Variants in APP observed in about 807,000 individuals in gnomAD.
APP encodes amyloid beta precursor protein.
In APP, 31 loss-of-function variants were observed where a neutral mutation model predicts 101.4. The ratio of observed to expected loss-of-function variants is 0.31; its 90% CI spans 0.23 to 0.41. The LOEUF (loss-of-function observed/expected upper bound fraction) is 0.41. Among genes scored for constraint, APP ranks in the 10% least tolerant of loss-of-function variants. APP has a pLI of 1.00. For missense variants in APP, 839 were observed against 1,003.7 expected (o/e 0.84, Z 2.22); for synonymous variants, 366 against 364.4 (o/e 1.00, Z -0.05).
At chr21:26,104,560 CTG>C (rs1006203834) in intron 2 of APP, among the ~76,000 whole-genome samples, 3 of 152,190 alleles carry the variant, frequency 2.0e-5, no homozygotes, top group African/African-American at 7.2e-5. Flanking sequence ...AAATAAAAGA[CTG>C]TGTTTTTACT....
At chr21:26,056,064 T>C (rs551583079) in intron 3 of APP, among the ~76,000 whole-genome samples, 1 of 152,320 alleles carries the variant, frequency 6.6e-6, no homozygotes, top group South Asian at 2.1e-4. Flanking sequence ...TCAGACAAGG[T>C]CTCACTCTGT....
intron 1 of APP, among the ~76,000 whole-genome samples, chr21:26,116,234 A>T (rs1330033429): frequency 6.6e-6 from 1 of 152,244 alleles, no homozygotes; most frequent in African/African-American, 2.4e-5. Context: ...TATCAAACTT[A>T]AAAATGCTAC....
chr21:25,935,939 G>C (rs2040346415), intron 13 of APP, among the ~76,000 whole-genome samples: 2 of 151,640 alleles, frequency 1.3e-5, no homozygotes, highest in African/African-American at 4.9e-5. Context: ...TCAAGGCCGA[G>C]TTTAGGCTGC....
intron 8 of APP, among the ~76,000 whole-genome samples, chr21:25,988,196 C>T (rs1337079580): frequency 6.6e-6 from 1 of 152,024 alleles, no homozygotes; most frequent in Non-Finnish European, 1.5e-5. Context: ...GCAAATTCCA[C>T]GAGACCCGCA....
At chr21:26,047,051 A>C (rs978178215) in intron 5 of APP, among the ~76,000 whole-genome samples, 1 of 152,206 alleles carries the variant, frequency 6.6e-6, no homozygotes, top group African/African-American at 2.4e-5. Flanking sequence ...GAATATGACC[A>C]TTACAACACT....
rs376555983 is a variant in APP, at chr21:25,881,664, G to A, written c.*6C>T. On this transcript the variant is annotated 3_prime_UTR_variant, in exon 18 of 18. Coordinates refer to ENST00000346798, the MANE Select transcript of APP (RefSeq NM_000484.4). The stretch of plus-strand genomic sequence containing the variant: ...GTCCAACTTCAGAGGCTGCTGTGGC[G>A]GGGGTCTAGTTCTGCATCTGCTCAA... The A allele has an allele frequency of 1.5e-5, 24 of 1,613,146 alleles. No homozygotes were observed. Among genetic ancestry groups the A allele is most frequent in the South Asian group, 5.5e-5 (5 of 91,044 alleles).
At chr21:25,943,089 G>A (rs189221451) in intron 13 of APP, 1 of 152,290 alleles carries the variant, frequency 6.6e-6, no homozygotes, top group East Asian at 1.9e-4. Flanking sequence ...TCCTTGTGCA[G>A]GGGCCAGGTT....
At chr21:26,122,268 G>C (rs1267453479) in intron 1 of APP, among the ~76,000 whole-genome samples, 1 of 152,168 alleles carries the variant, frequency 6.6e-6, no homozygotes, top group Non-Finnish European at 1.5e-5. Flanking sequence ...TAGTGAGGGA[G>C]TCAGTATACA....
chr21:25,965,010 C>G (rs1199512729), intron 11 of APP, among the ~76,000 whole-genome samples: 1 of 152,176 alleles, frequency 6.6e-6, no homozygotes, highest in Non-Finnish European at 1.5e-5. Flanking sequence ...TTAGTGAAGG[C>G]AGCATATAGA....
intron 1 of APP, among the ~76,000 whole-genome samples, chr21:26,136,923 C>T (rs1389644653): frequency 6.6e-6 from 1 of 152,144 alleles, no homozygotes; most frequent in Admixed American, 6.5e-5. Flanking sequence ...TTGAGACAGT[C>T]TCAATGTCAC....
chr21:25,973,394 C>A (rs767860304), intron 11 of APP, among the ~76,000 whole-genome samples: 4 of 152,054 alleles, frequency 2.6e-5, no homozygotes, highest in Non-Finnish European at 4.4e-5. Flanking sequence ...AAATGCACCA[C>A]ATTAATATTA....
intron 17 of APP, among the ~76,000 whole-genome samples, chr21:25,885,779 T>C (rs1268365073): frequency 6.6e-6 from 1 of 152,162 alleles, no homozygotes; most frequent in Admixed American, 6.5e-5. Flanking sequence ...CTAACCTCCA[T>C]ACCCCCTGAC....
chr21:26,146,670 G>A (rs896394865), intron 1 of APP, among the ~76,000 whole-genome samples: 2 of 152,210 alleles, frequency 1.3e-5, no homozygotes, highest in African/African-American at 4.8e-5. Context: ...CTGGGTGAGA[G>A]CTGATCATTG....
At chr21:25,947,390 G>C (rs2040870066) in intron 13 of APP, among the ~76,000 whole-genome samples, 1 of 152,214 alleles carries the variant, frequency 6.6e-6, no homozygotes, top group Admixed American at 6.5e-5. Flanking sequence ...GGTATGAAGT[G>C]TACTGGCATT....
At chr21:26,126,612 C>T (rs1201120602) in intron 1 of APP, among the ~76,000 whole-genome samples, 3 of 151,928 alleles carry the variant, frequency 2.0e-5, no homozygotes, top group East Asian at 3.9e-4. Flanking sequence ...ATGATTGTCA[C>T]GACTTGGGTG....
At chr21:25,958,966 T>C (rs1369740348) in intron 11 of APP, among the ~76,000 whole-genome samples, 4 of 61,358 alleles carry the variant, frequency 6.5e-5, no homozygotes, top group Non-Finnish European at 1.2e-4. Context: ...TGTGGTTACA[T>C]AGGCTACATC....
intron 2 of APP, among the ~76,000 whole-genome samples, chr21:26,111,396 A>G (rs1415284554): frequency 6.6e-6 from 1 of 152,214 alleles, no homozygotes; most frequent in Non-Finnish European, 1.5e-5. Flanking sequence ...ACTTTTAACC[A>G]AAAGACCTTG....
intron 1 of APP, chr21:26,158,243 G>A (rs957176245): frequency 7.9e-5 from 12 of 152,224 alleles, no homozygotes; most frequent in African/African-American, 2.2e-4. Flanking sequence ...TGCTTCCTGT[G>A]TGGCTGGCTA....
chr21:25,911,667 T>A (rs2039075918), intron 14 of APP, 74 bp downstream of exon 14: 2 of 1,336,954 alleles, frequency 1.5e-6, no homozygotes, highest in Admixed American at 1.9e-5. Flanking sequence ...AAGATAACTC[T>A]CTCTCTTGCA....
Sources: gnomAD v4.1 joint callset for allele counts (sites outside exome capture counted in the v4.1 genomes callset) on GRCh38, gnomAD v4.1.1 for gene constraint, MANE v1.5 for transcripts, NCBI Gene and HGNC (gene_info 2026-07-23, HGNC 2026-07-21) for gene names.